THAP4: variants seen among roughly 807,000 people sequenced by gnomAD.
THAP4 encodes peroxynitrite isomerase THAP4.
THAP4 carries 18 observed loss-of-function variants against 48.1 expected under a neutral mutation model. That is an observed-to-expected ratio of 0.37 (90% CI 0.26 to 0.56). The LOEUF (loss-of-function observed/expected upper bound fraction) is 0.56, where lower values mean the gene tolerates loss of function less well. Among genes scored for constraint, THAP4 ranks in the 20% least tolerant of loss-of-function variants. THAP4 has a pLI of 0.78. For synonymous variants in THAP4, 345 were observed against 324.9 expected (o/e 1.06, Z -0.66); for missense variants, 656 against 774.9 (o/e 0.85, Z 1.82).
At chr2:241,613,157 A>C (rs571684866) in intron 2 of THAP4, among the ~76,000 whole-genome samples, 1 of 152,228 alleles carries the variant, frequency 6.6e-6, no homozygotes, top group South Asian at 2.1e-4. Context: ...CTTGGCACCC[A>C]AGGAGCTTTG....
intron 3 of THAP4, among the ~76,000 whole-genome samples, chr2:241,604,236 A>ATTT (rs1559223313): frequency 6.7e-6 from 1 of 150,278 alleles, no homozygotes; most frequent in East Asian, 2.0e-4. Flanking sequence ...ACACCCGGCT[A>ATTT]ATTTATTTAT....
At chr2:241,611,152 CCTCTGGGAGCTGGGGGGGT>C (rs1206473513) in intron 2 of THAP4, among the ~76,000 whole-genome samples, 1 of 152,148 alleles carries the variant, frequency 6.6e-6, no homozygotes, top group East Asian at 1.9e-4. Context: ...ACAGGAGGGG[CCTCTGGGAGCTGGGGGGGT>C]GGCCCCTGAG....
In THAP4 at chr2:241,633,146, C is replaced by T; in HGVS notation, c.1011G>A (p.Gly337=). Residue 337 remains glycine (G), a synonymous_variant, in exon 2 of 6, where the codon GGG becomes GGA. Coordinates refer to ENST00000407315, the MANE Select transcript of THAP4 (RefSeq NM_015963.6). The surrounding 1 kb of genome is among the most constrained non-coding windows in gnomAD (Gnocchi z 7.5). ...SINEVILSAS[G]ACKLIDSLHS... The stretch of plus-strand genomic sequence containing the variant: ...GCAGTGAGTCGATGAGCTTGCAGGC[C>T]CCTGACGCCGACAGGATGACCTCGT... 1 of 1,610,266 alleles carries T rather than the reference C, an allele frequency of 6.2e-7. No homozygotes were observed. The highest frequency in any genetic ancestry group is 8.5e-7 in the Non-Finnish European group (1 of 1,177,708).
At chr2:241,627,970 T>TATACTTGC (rs2067514151) in intron 2 of THAP4, among the ~76,000 whole-genome samples, 1 of 152,054 alleles carries the variant, frequency 6.6e-6, no homozygotes, top group Non-Finnish European at 1.5e-5. Context: ...CTGGCTCCTG[T>TATACTTGC]CTACTTGCCT....
chr2:241,625,579 G>A (rs538940024), intron 2 of THAP4, among the ~76,000 whole-genome samples: 15 of 150,970 alleles, frequency 9.9e-5, no homozygotes, highest in African/African-American at 2.4e-4. Flanking sequence ...GGCAGATCAC[G>A]AGGTCAGGAG....
In THAP4 at chr2:241,634,073, G is replaced by A. The variant is rs763815011; in HGVS notation, c.84C>T (p.Pro28=). The change falls in exon 2 of 6, where the codon CCC becomes CCT. Residue 28 remains proline, a synonymous_variant. Coordinates refer to ENST00000407315, the MANE Select transcript of THAP4 (RefSeq NM_015963.6). ...GGATTAGACGTTTTGAGTCCTTTAG[G>A]GGGAACCTACAGGACAAATGACAAA... ...EKRAVSFHRF[P]LKDSKRLIQW... 4 of 1,564,292 alleles carry A rather than the reference G, an allele frequency of 2.6e-6. No individual in the cohort carries two copies. The highest frequency in any genetic ancestry group is 1.2e-5 in the South Asian group (1 of 85,024).
intron 1 of THAP4, among the ~76,000 whole-genome samples, chr2:241,636,242 C>T (rs989736438): frequency 6.6e-6 from 1 of 152,244 alleles, no homozygotes; most frequent in African/African-American, 2.4e-5. Flanking sequence ...TTAAATAACA[C>T]CATGCAACAT....
Position 241,601,686 on chromosome 2 carries a change from A to T in THAP4, c.1614+210T>A. 1 of 841,018 alleles carries T rather than the reference A, an allele frequency of 1.2e-6. No individual in the cohort carries two copies. Among genetic ancestry groups the T allele is most frequent in the Non-Finnish European group, 1.8e-6 (1 of 564,006 alleles). The allele number at this position is 841,018 out of a possible 1,614,324, so 52.1% of individuals were successfully genotyped here. On this transcript the variant is annotated intron_variant, in intron 5 of 5. Coordinates refer to ENST00000407315, the MANE Select transcript of THAP4 (RefSeq NM_015963.6). The surrounding 1 kb of genome is among the most constrained non-coding windows in gnomAD (Gnocchi z 4.0). Reference sequence around the variant, plus strand: ...GTGACAAACAACAAACCTCAAAAAAACCACACCACTGACCAGCCGAGGAGG... The same window carrying T: ...GTGACAAACAACAAACCTCAAAAAATCCACACCACTGACCAGCCGAGGAGG...
At chr2:241,595,287 T>A (rs561517479) in intron 5 of THAP4, among the ~76,000 whole-genome samples, 1 of 152,106 alleles carries the variant, frequency 6.6e-6, no homozygotes, top group East Asian at 1.9e-4. Flanking sequence ...AGAGCTGGGA[T>A]TACAGGCGTG....
intron 2 of THAP4, among the ~76,000 whole-genome samples, chr2:241,628,434 C>A (rs546989611): frequency 6.6e-6 from 1 of 152,036 alleles, no homozygotes; most frequent in African/African-American, 2.4e-5. Context: ...CGTTCCTCAC[C>A]CCCATCTCCT....
chr2:241,630,381 TA>T (rs773610038), intron 2 of THAP4, among the ~76,000 whole-genome samples: 3 of 151,958 alleles, frequency 2.0e-5, no homozygotes, highest in Non-Finnish European at 4.4e-5. Context: ...TTAACCAGCA[TA>T]AACAACAACT....
intron 5 of THAP4, among the ~76,000 whole-genome samples, chr2:241,591,404 C>T (rs1365751136): frequency 6.6e-6 from 1 of 152,140 alleles, no homozygotes; most frequent in Non-Finnish European, 1.5e-5. Flanking sequence ...TATGCTTGTC[C>T]AAATGTATCA....
In THAP4 at chr2:241,609,443, G is replaced by A. The variant is rs141608735; in HGVS notation, c.1241-2970C>T. On this transcript the variant is annotated intron_variant, in intron 2 of 5. Coordinates refer to ENST00000407315, the MANE Select transcript of THAP4 (RefSeq NM_015963.6). Reference sequence around the variant, plus strand: ...TTCTCAGACAGCCAGCTATAGCCTTGGAGACCTTTCAGTTTGGTAGACTTT... The same window carrying A: ...TTCTCAGACAGCCAGCTATAGCCTTAGAGACCTTTCAGTTTGGTAGACTTT... 9.5e-3 allele frequency among the ~76,000 whole-genome samples: 1,441 copies of A among 152,314 alleles called. 18 individuals are homozygous for A. Among genetic ancestry groups the A allele is most frequent in the African/African-American group, 0.032 (1,320 of 41,576 alleles).
Position 241,598,276 on chromosome 2 carries a change from C to T in THAP4, c.1614+3620G>A, listed in dbSNP as rs145761295. 3.7e-3 allele frequency among the ~76,000 whole-genome samples: 568 copies of T among 152,284 alleles called. 5 individuals carry two copies. Among genetic ancestry groups the T allele is most frequent in the Non-Finnish European group, 4.1e-3 (277 of 68,024 alleles). ...GTTACCAGATACCTTCCCAGAGAGG[C>T]CGACCAACTCCCACGGGGCCACCCT... On this transcript the variant is annotated intron_variant, in intron 5 of 5. Transcript: ENST00000407315.
intron 2 of THAP4, among the ~76,000 whole-genome samples, chr2:241,622,082 T>G (rs1400669848): frequency 1.3e-5 from 2 of 152,234 alleles, no homozygotes; most frequent in Non-Finnish European, 2.9e-5. Flanking sequence ...ATATAAAGAC[T>G]TATTTACGCG....
At chr2:241,589,042 T>C (rs2066924940) in intron 5 of THAP4, among the ~76,000 whole-genome samples, 1 of 151,874 alleles carries the variant, frequency 6.6e-6, no homozygotes, top group Non-Finnish European at 1.5e-5. Context: ...TGAAACCCCG[T>C]CTTTACTAAA....
chr2:241,605,160 T>C (rs2067163755), intron 3 of THAP4, among the ~76,000 whole-genome samples: 1 of 152,234 alleles, frequency 6.6e-6, no homozygotes, highest in South Asian at 2.1e-4. Context: ...TGTGCAGATG[T>C]ATTACTTTGA....
At chr2:241,609,291 T>C (rs1417661357) in intron 2 of THAP4, among the ~76,000 whole-genome samples, 1 of 152,152 alleles carries the variant, frequency 6.6e-6, no homozygotes, top group Admixed American at 6.5e-5. Context: ...GCCTGAGCAA[T>C]TGAGAAGACA....
chr2:241,631,988 A>G (rs2067569259), intron 2 of THAP4, among the ~76,000 whole-genome samples: 1 of 150,282 alleles, frequency 6.7e-6, no homozygotes, highest in African/African-American at 2.5e-5. Context: ...GCTCACTGCA[A>G]CCTCCGCCTC....
Sources: allele counts gnomAD v4.1 joint callset (sites outside exome capture counted in the v4.1 genomes callset), GRCh38; gene constraint gnomAD v4.1.1; non-coding constraint Gnocchi (gnomAD v3.1); transcripts MANE v1.5; gene names NCBI Gene and HGNC (gene_info 2026-07-23, HGNC 2026-07-21).